Variants in MCM9 observed in about 807,000 individuals in gnomAD.
The protein encoded by MCM9 is minichromosome maintenance 9 homologous recombination repair factor.
A neutral mutation model predicts 72.8 loss-of-function variants in MCM9; 55 were observed. That is an observed-to-expected ratio of 0.76 (90% CI 0.61 to 0.95). The LOEUF (loss-of-function observed/expected upper bound fraction) is 0.95, where lower values mean the gene tolerates loss of function less well. MCM9 is among the 40% of genes least tolerant of loss of function. The probability of loss-of-function intolerance (pLI) is 0.00; values close to 1 mark genes in which losing one functional copy is unlikely to be tolerated. For missense variants in MCM9, 1,279 were observed against 1,377.0 expected (o/e 0.93, Z 1.13); for synonymous variants, 480 against 503.4 (o/e 0.95, Z 0.62).
chr6:118,905,410 T>C (rs1236649182), intron 8 of MCM9, among the ~76,000 whole-genome samples: 1 of 152,244 alleles, frequency 6.6e-6, no homozygotes, highest in Admixed American at 6.5e-5. Context: ...TTTCTTCCTT[T>C]TACAAGTGTA....
In MCM9 at chr6:118,913,433, G is replaced by C. The variant is rs746197573; in HGVS notation, c.905-13C>G. On this transcript the variant is annotated splice_polypyrimidine_tract_variant and intron_variant, in intron 6 of 13. Transcript: ENST00000619706. The stretch of plus-strand genomic sequence containing the variant: ...ATTACATTCCTTCCTAGGAAAAGCA[G>C]AAAGATCAGAAATCAGCAATAATTT... 58 of 1,611,420 alleles carry C rather than the reference G, an allele frequency of 3.6e-5. No homozygotes were observed. Among genetic ancestry groups the C allele is most frequent in the Non-Finnish European group, 1.7e-6 (2 of 1,179,186 alleles).
Position 118,893,857 on chromosome 6 carries a change from C to CA in MCM9, c.1150+17792dup, listed in dbSNP as rs775137672. Among the ~76,000 whole-genome samples the CA allele has an allele frequency of 2.7e-3, 384 of 142,538 alleles. 1 individual carries two copies. Among genetic ancestry groups the CA allele is most frequent in the Non-Finnish European group, 4.3e-3 (282 of 65,292 alleles). The allele number at this position is 142,538 out of a possible 152,430, so 93.5% of individuals were successfully genotyped here. ...AAAACCAAAAAAACAAAAAAAAAAA[C>CA]AAAAAAACGCCAAAACACCCACACG... On this transcript the variant is annotated intron_variant, in intron 8 of 13. Coordinates refer to ENST00000619706, the MANE Select transcript of MCM9 (RefSeq NM_017696.3).
rs138621770 is a variant in MCM9, at chr6:118,846,411, C to T, written c.1325+9960G>A. 5.3e-5 allele frequency among the ~76,000 whole-genome samples: 8 copies of T among 151,894 alleles called. No homozygotes were observed. The East Asian group carries it at 1.5e-3, about 29-fold the overall frequency. On this transcript the variant is annotated intron_variant, in intron 9 of 13. Coordinates refer to ENST00000619706, the MANE Select transcript of MCM9 (RefSeq NM_017696.3). ...TGAAAGGAGGAGAAAGTAATGGGGG[C>T]CTCATGCTGGAGAACACAGATAAAA...
chr6:118,856,429 C>T lies in MCM9; in HGVS notation c.1267G>A (p.Asp423Asn), dbSNP rs1342195615. The T allele has an allele frequency of 2.0e-6, 3 of 1,535,550 alleles. No individual in the cohort carries two copies. Among genetic ancestry groups the T allele is most frequent in the African/African-American group, 2.7e-5 (2 of 73,040 alleles). ...IDEFNSLKEH[D>N]RTSIHEAMEQ... ...ATTGCTTCATGGATACTGGTCCTAT[C>T]ATGCTCTTTGAGGCTATTGAACTCA... The change falls in exon 9 of 14, where the codon GAT (aspartate) becomes AAT (asparagine). Residue 423 changes from aspartate to asparagine, a missense_variant. Coordinates refer to ENST00000619706, the MANE Select transcript of MCM9 (RefSeq NM_017696.3).
chr6:118,843,692 A>ATATATG (rs1464258046), intron 9 of MCM9, among the ~76,000 whole-genome samples: 4 of 63,796 alleles, frequency 6.3e-5, no homozygotes, highest in African/African-American at 2.7e-4. Context: ...ATATGTGTAT[A>ATATATG]TATATATATA....
chr6:118,838,695 A>T (rs1444336179), intron 9 of MCM9, among the ~76,000 whole-genome samples: 21 of 152,246 alleles, frequency 1.4e-4, no homozygotes, highest in Non-Finnish European at 5.9e-5. Context: ...TGCTGGGATT[A>T]GAGGCGTGAG....
intron 3 of MCM9, among the ~76,000 whole-genome samples, chr6:118,928,308 G>A (rs372622061): frequency 6.6e-6 from 1 of 152,186 alleles, no homozygotes; most frequent in African/African-American, 2.4e-5. Flanking sequence ...CTACTCGGGA[G>A]GCTGAGGCAG....
chr6:118,926,250 T>C (rs1020869210), intron 3 of MCM9, among the ~76,000 whole-genome samples: 2 of 152,206 alleles, frequency 1.3e-5, no homozygotes, highest in African/African-American at 2.4e-5. Flanking sequence ...TGAAAGTGCA[T>C]TTAGTACACC....
chr6:118,887,172 C>G (rs565709852), intron 8 of MCM9, among the ~76,000 whole-genome samples: 1 of 151,830 alleles, frequency 6.6e-6, no homozygotes, highest in African/African-American at 2.4e-5. Context: ...TCAAGGGATG[C>G]AAAATAGCCA....
intron 9 of MCM9, among the ~76,000 whole-genome samples, chr6:118,836,493 T>C (rs912601005): frequency 6.6e-6 from 1 of 152,216 alleles, no homozygotes; most frequent in Non-Finnish European, 1.5e-5. Flanking sequence ...TTTGGGTTGG[T>C]AGGCTATTAA....
intron 13 of MCM9, among the ~76,000 whole-genome samples, chr6:118,817,045 A>ATAATCATTTTAAATGATTTT (rs1773453422): frequency 6.6e-6 from 1 of 151,934 alleles, no homozygotes; most frequent in African/African-American, 2.4e-5. Context: ...CTGTTCAGTG[A>ATAATCATTTTAAATGATTTT]TAATCATTTT....
At chr6:118,863,753 C>T (rs1036671800) in intron 8 of MCM9, among the ~76,000 whole-genome samples, 7 of 152,162 alleles carry the variant, frequency 4.6e-5, no homozygotes, top group African/African-American at 1.7e-4. Flanking sequence ...ATGTCTTCTA[C>T]CACCTCAGAA....
rs150976419 is a variant in MCM9, at chr6:118,924,072, C to T, written c.360G>A (p.Val120=). The change falls in exon 4 of 14, where the codon GTG becomes GTA. Residue 120 remains valine (V), a synonymous_variant. Coordinates refer to ENST00000619706, the MANE Select transcript of MCM9 (RefSeq NM_017696.3). Reference sequence around the variant, plus strand: ...TCCCAGTGACAGATAAAAAGTGTCCCACATCCTTGGTTTTAGGTATGTGTT... The same window carrying T: ...TCCCAGTGACAGATAAAAAGTGTCCTACATCCTTGGTTTTAGGTATGTGTT... ...VREHIPKTKD[V]GHFLSVTGTV... is the part of the protein sequence containing the mutation. 124 of 1,614,188 alleles carry T rather than the reference C, an allele frequency of 7.7e-5. 2 individuals carry two copies. The South Asian group carries it at 7.8e-4, about 10-fold the overall frequency.
At chr6:118,828,220 T>G in intron 10 of MCM9, 90 bp from the exon 11 acceptor site, 1 of 1,036,712 alleles carries the variant, frequency 9.6e-7, no homozygotes, top group South Asian at 1.7e-5. Context: ...TACTCATTTG[T>G]TAAAAGATAA....
rs1773294993 is a variant in MCM9 at position 118,814,678 on chromosome 6, A to G, written c.*146T>C. On this transcript the variant is annotated 3_prime_UTR_variant, in exon 14 of 14. Coordinates refer to ENST00000619706, the MANE Select transcript of MCM9 (RefSeq NM_017696.3). ...TTTAAGTCATGAAGATTAACCTGAA[A>G]TTAGAAAGCCTTAAGGGGGAGCCAG... The G allele has an allele frequency of 2.8e-6, 2 of 725,108 alleles. No homozygotes were observed. The highest frequency in any genetic ancestry group is 4.1e-6 in the Non-Finnish European group (2 of 485,260). The allele number at this position is 725,108 out of a possible 1,614,324, so 44.9% of individuals were successfully genotyped here.
intron 8 of MCM9, among the ~76,000 whole-genome samples, chr6:118,867,467 C>T (rs1777289556): frequency 6.6e-6 from 1 of 152,180 alleles, no homozygotes; most frequent in South Asian, 2.1e-4. Flanking sequence ...CACTCACTGA[C>T]TAATCCAGCG....
intron 8 of MCM9, among the ~76,000 whole-genome samples, chr6:118,867,174 C>A (rs556247796): frequency 1.3e-5 from 2 of 151,924 alleles, no homozygotes; most frequent in Non-Finnish European, 2.9e-5. Context: ...ACAAAAAAAA[C>A]GCTAAAGGGA....
At chr6:118,914,981 G>A (rs532086075) in intron 6 of MCM9, among the ~76,000 whole-genome samples, 51 of 152,328 alleles carry the variant, frequency 3.3e-4, no homozygotes, top group African/African-American at 1.2e-3. Flanking sequence ...GAGTTAGTAA[G>A]TATACAACAC....
At chr6:118,837,643 T>A (rs182693490) in intron 9 of MCM9, among the ~76,000 whole-genome samples, 3 of 152,164 alleles carry the variant, frequency 2.0e-5, no homozygotes, top group Non-Finnish European at 4.4e-5. Flanking sequence ...TGCCTTTTTT[T>A]ATCTTAGTTG....
Sources: gnomAD v4.1 joint callset for allele counts (sites outside exome capture counted in the v4.1 genomes callset) on GRCh38, gnomAD v4.1.1 for gene constraint, MANE v1.5 for transcripts, NCBI Gene and HGNC (gene_info 2026-07-23, HGNC 2026-07-21) for gene names.